Variants in NBAS observed in about 807,000 individuals in gnomAD.
NBAS encodes the protein NAG/BC035112 fusion.
NBAS carries 219 observed loss-of-function variants against 302.5 expected under a neutral mutation model. That is an observed-to-expected ratio of 0.72 (90% CI 0.65 to 0.81). The LOEUF (loss-of-function observed/expected upper bound fraction) is 0.81. Among genes scored for constraint, NBAS ranks in the 30% least tolerant of loss-of-function variants. The pLI, the probability that NBAS is intolerant of heterozygous loss-of-function variation, is 0.00. For missense variants in NBAS, 2,932 were observed against 2,841.6 expected (o/e 1.03, Z -0.72); for synonymous variants, 1,118 against 1,021.6 (o/e 1.09, Z -1.80).
At chr2:15,375,730 G>A (rs558929558) in intron 30 of NBAS, among the ~76,000 whole-genome samples, 9 of 152,004 alleles carry the variant, frequency 5.9e-5, no homozygotes, top group African/African-American at 1.2e-4. Context: ...AGATAGGCTC[G>A]CACATGCTCA....
At chr2:15,262,022 C>T (rs989227876) in intron 44 of NBAS, among the ~76,000 whole-genome samples, 1 of 152,166 alleles carries the variant, frequency 6.6e-6, no homozygotes, top group African/African-American at 2.4e-5. Flanking sequence ...AGGGCAATCT[C>T]ATCCCTCTCA....
the NBAS span, among the ~76,000 whole-genome samples, chr2:15,043,838 G>A: frequency 6.6e-6 from 1 of 152,182 alleles, no homozygotes; most frequent in African/African-American, 2.4e-5. Context: ...CTTGGAGGGT[G>A]CCTTCTGACT....
At chr2:14,903,505 G>T in the NBAS span, among the ~76,000 whole-genome samples, 1 of 152,270 alleles carries the variant, frequency 6.6e-6, no homozygotes, top group African/African-American at 2.4e-5. Flanking sequence ...CTGCTCCCAT[G>T]TGACTCCCAC....
chr2:15,558,440 A>G, intron 2 of NBAS, 140 bp downstream of exon 2: 2 of 642,124 alleles, frequency 3.1e-6, no homozygotes, highest in East Asian at 2.9e-5. Context: ...ATATACATAC[A>G]TATGTGTGTA....
chr2:15,000,912 C>T, the NBAS span, among the ~76,000 whole-genome samples: 1 of 152,106 alleles, frequency 6.6e-6, no homozygotes, highest in African/African-American at 2.4e-5. Context: ...ATTCCTCTCA[C>T]CATTTTATAG....
the NBAS span, among the ~76,000 whole-genome samples, chr2:14,986,687 C>G: frequency 3.9e-5 from 6 of 152,110 alleles, no homozygotes; most frequent in Non-Finnish European, 7.4e-5. Flanking sequence ...TTTACTTGAA[C>G]TTTCCAATGA....
At chr2:14,796,921 A>G in the NBAS span, among the ~76,000 whole-genome samples, 1,420 of 116,896 alleles carry the variant, frequency 0.012, 20 homozygotes, top group African/African-American at 0.053. Flanking sequence ...AAAAAATACA[A>G]AAAAAAAAAA....
chr2:15,410,740 A>G (rs1676644412), intron 25 of NBAS, among the ~76,000 whole-genome samples: 1 of 152,262 alleles, frequency 6.6e-6, no homozygotes, highest in Non-Finnish European at 1.5e-5. Context: ...CCTTTTCACA[A>G]GACCATAACT....
chr2:15,193,180 C>T (rs112705091), intron 48 of NBAS, among the ~76,000 whole-genome samples: 2 of 152,188 alleles, frequency 1.3e-5, no homozygotes, highest in African/African-American at 4.8e-5. Context: ...ATGTTTTCTT[C>T]TAATGTCCAC....
chr2:15,125,488 C>G, the NBAS span, among the ~76,000 whole-genome samples: 1 of 148,164 alleles, frequency 6.7e-6, no homozygotes, highest in African/African-American at 2.6e-5. Flanking sequence ...GGGATCCACT[C>G]CCATGATCTA....
chr2:15,427,140 T>C (rs1288455832), intron 22 of NBAS, among the ~76,000 whole-genome samples: 1 of 151,992 alleles, frequency 6.6e-6, no homozygotes, highest in Admixed American at 6.6e-5. Flanking sequence ...TTTGCCTCAA[T>C]GCATGAGTCA....
At chr2:15,319,434 A>G (rs1217453167) in intron 38 of NBAS, among the ~76,000 whole-genome samples, 1 of 151,600 alleles carries the variant, frequency 6.6e-6, no homozygotes, top group African/African-American at 2.4e-5. Flanking sequence ...ACAAAAAACC[A>G]TTCAAAAAAT....
intron 6 of NBAS, among the ~76,000 whole-genome samples, chr2:15,550,725 T>C (rs531985102): frequency 6.6e-6 from 1 of 152,192 alleles, no homozygotes; most frequent in East Asian, 1.9e-4. Flanking sequence ...TAGCTGGAAT[T>C]ACAGGCATGT....
At chr2:15,445,869 C>A (rs1678710046) in intron 21 of NBAS, among the ~76,000 whole-genome samples, 1 of 148,038 alleles carries the variant, frequency 6.8e-6, no homozygotes. Flanking sequence ...ATTAAAGACC[C>A]AAATCAAACT....
rs749559733 is a variant in NBAS, at chr2:15,461,210, G to A, written c.2330C>T (p.Pro777Leu). 6.2e-7 allele frequency: 1 copy of A among 1,613,446 alleles called. No individual in the cohort carries two copies. The highest frequency in any genetic ancestry group is 2.2e-5 in the East Asian group (1 of 44,864). Residue 777 changes from proline to leucine, a missense_variant, in exon 21 of 52, where the codon CCC (proline) becomes CTC (leucine). Transcript: ENST00000281513. Reference sequence around the variant, plus strand: ...TAACATAGTCACATACCAAGCTTCGGGCAGCAAAACAGAATATTCATGTGG... The same window carrying A: ...TAACATAGTCACATACCAAGCTTCGAGCAGCAAAACAGAATATTCATGTGG... ...TSPHEYSVLL[P>L]EACFNGDSLM...
intron 9 of NBAS, among the ~76,000 whole-genome samples, chr2:15,521,377 A>G (rs993453357): frequency 2.0e-5 from 3 of 152,198 alleles, no homozygotes; most frequent in African/African-American, 4.8e-5. Flanking sequence ...TAGACATTCC[A>G]TTCATACAGT....
the NBAS span, among the ~76,000 whole-genome samples, chr2:15,086,688 C>G: frequency 6.6e-6 from 1 of 152,206 alleles, no homozygotes; most frequent in Non-Finnish European, 1.5e-5. Context: ...CCTGGTCCAG[C>G]TGTAATCTCA....
the NBAS span, among the ~76,000 whole-genome samples, chr2:14,883,641 T>C: frequency 6.6e-6 from 1 of 152,156 alleles, no homozygotes; most frequent in Non-Finnish European, 1.5e-5. Context: ...CCATGCTGAA[T>C]TGATCAACCT....
At chr2:14,973,511 C>G in the NBAS span, among the ~76,000 whole-genome samples, 1 of 152,114 alleles carries the variant, frequency 6.6e-6, no homozygotes, top group Non-Finnish European at 1.5e-5. Flanking sequence ...AAGCAGCCAA[C>G]AGAAAAACAG....
Sources: allele counts gnomAD v4.1 joint callset (sites outside exome capture counted in the v4.1 genomes callset), GRCh38; gene constraint gnomAD v4.1.1; transcripts MANE v1.5; gene names NCBI Gene and HGNC (gene_info 2026-07-23, HGNC 2026-07-21).